Variants in AGAP5 observed in about 807,000 individuals in gnomAD.
AGAP5 encodes the protein ArfGAP with GTPase domain, ankyrin repeat and PH domain 5.
AGAP5 carries 8 observed loss-of-function variants against 27.7 expected under a neutral mutation model. The ratio of observed to expected loss-of-function variants is 0.29; its 90% CI spans 0.17 to 0.52. The LOEUF is 0.52. AGAP5 is among the 20% of genes least tolerant of loss of function. The pLI, the probability that AGAP5 is intolerant of heterozygous loss-of-function variation, is 0.97. For missense variants in AGAP5, 285 were observed against 880.8 expected, an observed-to-expected ratio of 0.32 and a Z score of 8.56; for synonymous variants, 111 against 338.0, an observed-to-expected ratio of 0.33 and a Z score of 7.37.
chr10:73,676,477 G>A (rs1267434082), intron 7 of AGAP5, among the ~76,000 whole-genome samples: 1 of 144,184 alleles, frequency 6.9e-6, no homozygotes, highest in Non-Finnish European at 1.5e-5. Context: ...CAGAAAGAGA[G>A]TCCATCAAAA....
intron 1 of AGAP5, 138 bp from the exon 2 acceptor site, chr10:73,697,301 A>G (rs2082168800): frequency 2.7e-6 from 4 of 1,457,786 alleles, no homozygotes; most frequent in Admixed American, 4.1e-5. Context: ...GAGATGAGAG[A>G]GCAAGAACTG....
At chr10:73,677,282 C>T (rs1368053663) in intron 6 of AGAP5, among the ~76,000 whole-genome samples, 1 of 150,668 alleles carries the variant, frequency 6.6e-6, no homozygotes, top group East Asian at 1.9e-4. Context: ...ATGCATTGTG[C>T]CTGTGTATAA....
chr10:73,695,075 T>TAA (rs768958731), intron 2 of AGAP5, among the ~76,000 whole-genome samples: 5 of 139,028 alleles, frequency 3.6e-5, no homozygotes, highest in South Asian at 4.6e-4. Context: ...CTCCTTTATT[T>TAA]AAAAAAAAAA....
At chr10:73,679,281 G>C (rs1391172876) in intron 6 of AGAP5, among the ~76,000 whole-genome samples, 4 of 152,036 alleles carry the variant, frequency 2.6e-5, no homozygotes, top group African/African-American at 9.7e-5. Context: ...TCCTGCCTCA[G>C]CCTCCAGAAT....
Position 73,697,922 on chromosome 10 carries a change from C to A in AGAP5, c.-167G>T. On this transcript the variant is annotated 5_prime_UTR_variant, in exon 1 of 8. Transcript: ENST00000374094. Reference sequence around the variant, plus strand: ...CGGGCACCATCCCTGGCCCCGGCCCCGGCCCCGGCTAGGGCTGCGGGTCAA... The same window carrying A: ...CGGGCACCATCCCTGGCCCCGGCCCAGGCCCCGGCTAGGGCTGCGGGTCAA... 1.3e-6 allele frequency: 2 copies of A among 1,529,748 alleles called. No individual in the cohort carries two copies. Among genetic ancestry groups the A allele is most frequent in the East Asian group, 4.9e-5 (2 of 40,826 alleles). The allele number at this position is 1,529,748 out of a possible 1,614,324, so 94.8% of individuals were successfully genotyped here.
At chr10:73,689,720 C>G (rs1765956626) in intron 4 of AGAP5, among the ~76,000 whole-genome samples, 1 of 151,252 alleles carries the variant, frequency 6.6e-6, no homozygotes, top group Non-Finnish European at 1.5e-5. Context: ...GGCAACCGCC[C>G]CGTCTGAGAA....
chr10:73,689,872 C>T (rs1406979831), intron 4 of AGAP5, among the ~76,000 whole-genome samples: 1 of 151,316 alleles, frequency 6.6e-6, no homozygotes, highest in Admixed American at 6.6e-5. Context: ...GGGTCAGCCC[C>T]CCGCCCGGCC....
At chr10:73,695,914 A>G (rs1216190921) in intron 2 of AGAP5, among the ~76,000 whole-genome samples, 6 of 152,190 alleles carry the variant, frequency 3.9e-5, no homozygotes, top group Non-Finnish European at 2.9e-5. Flanking sequence ...TCTCTTTGCA[A>G]AATTTTAGAG....
At chr10:73,688,099 G>A (rs1014547149) in intron 4 of AGAP5, among the ~76,000 whole-genome samples, 1 of 152,100 alleles carries the variant, frequency 6.6e-6, no homozygotes, top group African/African-American at 2.4e-5. Context: ...AAACTTAGAT[G>A]TGTGTTCTCT....
intron 5 of AGAP5, among the ~76,000 whole-genome samples, chr10:73,680,658 G>T (rs1458134866): frequency 6.9e-6 from 1 of 145,672 alleles, no homozygotes; most frequent in Non-Finnish European, 1.5e-5. Flanking sequence ...TGTGATCTCG[G>T]CTCACCACAA....
intron 4 of AGAP5, among the ~76,000 whole-genome samples, chr10:73,688,522 A>C (rs975959034): frequency 2.6e-5 from 4 of 152,146 alleles, no homozygotes; most frequent in African/African-American, 9.7e-5. Context: ...TTAAAAAAAA[A>C]ACCTTAAAAC....
At chr10:73,692,373 A>G (rs1159830899) in intron 3 of AGAP5, among the ~76,000 whole-genome samples, 1 of 152,144 alleles carries the variant, frequency 6.6e-6, no homozygotes, top group African/African-American at 2.4e-5. Context: ...TAGCTAATAA[A>G]AAGTTTAACT....
intron 4 of AGAP5, among the ~76,000 whole-genome samples, chr10:73,688,574 A>G (rs2082083720): frequency 6.6e-6 from 1 of 152,164 alleles, no homozygotes; most frequent in South Asian, 2.1e-4. Context: ...AGTAGAGGAT[A>G]AAGTCACAGA....
In AGAP5 at chr10:73,675,683, A is replaced by C; in HGVS notation, c.977T>G (p.Ile326Ser). The C allele has an allele frequency of 6.2e-7, 1 of 1,613,468 alleles. No homozygotes were observed. The highest frequency in any genetic ancestry group is 8.5e-7 in the Non-Finnish European group (1 of 1,179,916). Residue 326 changes from isoleucine (I) to serine (S), a missense_variant, in exon 8 of 8, where the codon ATT (isoleucine) becomes AGT (serine). Physicochemically the swap from Ile to Ser is moderately radical, Grantham distance 142. Transcript: ENST00000374094. ...CCGAAGGTCAATCTCTTTTTTATGA[A>C]TATTCTTCATATAATCACCTAAGCT... ...YSSLGDYMKNIHKKEIDLRTS... is the reference protein window; with the variant it reads ...YSSLGDYMKNSHKKEIDLRTS...
At chr10:73,693,881 C>T (rs530071922) in intron 3 of AGAP5, among the ~76,000 whole-genome samples, 2 of 152,136 alleles carry the variant, frequency 1.3e-5, no homozygotes, top group South Asian at 4.2e-4. Flanking sequence ...GCCAATTAAA[C>T]CTCTTTTTGT....
chr10:73,688,590 C>A (rs1438192310), intron 4 of AGAP5, among the ~76,000 whole-genome samples: 3 of 150,052 alleles, frequency 2.0e-5, no homozygotes, highest in Non-Finnish European at 3.0e-5. Flanking sequence ...ACAGAATATC[C>A]CAGAACTAGA....
At chr10:73,696,882 T>C (rs1184337236) in intron 2 of AGAP5, among the ~76,000 whole-genome samples, 1 of 152,232 alleles carries the variant, frequency 6.6e-6, no homozygotes. Flanking sequence ...GGAACTGTCC[T>C]GAGATTTGGC....
Position 73,675,427 on chromosome 10 carries a change from A to C in AGAP5, c.1233T>G (p.Phe411Leu), listed in dbSNP as rs1031833228. ...KHLKKKSTNNFMIVSATGQTW... is the reference protein window; with the variant it reads ...KHLKKKSTNNLMIVSATGQTW... ...TTTGGCCAGTGGCAGACACAATCAT[A>C]AAGTTGTTGGTGCTTTTCTTCTTTA... The change falls in exon 8 of 8, where the codon TTT (phenylalanine) becomes TTG (leucine). Residue 411 changes from phenylalanine to leucine, a missense_variant. By Grantham distance (22) the Phe-to-Leu change is conservative. Transcript: ENST00000374094. 3.7e-6 allele frequency: 6 copies of C among 1,613,860 alleles called. No homozygotes were observed. The African/African-American group carries it at 5.3e-5, about 14-fold the overall frequency.
rs182382885 is a variant in AGAP5 at position 73,690,454 on chromosome 10, C to T, written c.396+1589G>A. ...TCACCACTCCCTAATCTGAAGTACC[C>T]AGGGACACAAACACTGCGGAAGGCC... On this transcript the variant is annotated intron_variant, in intron 4 of 7. Coordinates refer to ENST00000374094, the MANE Select transcript of AGAP5 (RefSeq NM_001144000.4). Among the ~76,000 whole-genome samples, 546 of 152,146 alleles carry T rather than the reference C, an allele frequency of 3.6e-3. 2 individuals carry two copies. Among genetic ancestry groups the T allele is most frequent in the African/African-American group, 0.012 (486 of 41,510 alleles).
Sources: gnomAD v4.1 joint callset for allele counts (sites outside exome capture counted in the v4.1 genomes callset) on GRCh38, gnomAD v4.1.1 for gene constraint, MANE v1.5 for transcripts, NCBI Gene and HGNC (gene_info 2026-07-23, HGNC 2026-07-21) for gene names.